The following MAMDC2 variants were observed in gnomAD, a reference collection of about 807,000 sequenced individuals.
MAMDC2 encodes MAM domain-containing protein 2.
In MAMDC2, 57 loss-of-function variants were observed where a neutral mutation model predicts 89.8. The observed-to-expected ratio is 0.63, with a 90% CI of 0.51 to 0.79. The LOEUF (loss-of-function observed/expected upper bound fraction) is 0.79. Ranked by LOEUF, MAMDC2 falls within the 30% of genes least tolerant of loss-of-function variation. MAMDC2 has a pLI of 0.00. For missense variants in MAMDC2, 800 were observed against 820.6 expected (o/e 0.97, Z 0.31); for synonymous variants, 313 against 293.4 (o/e 1.07, Z -0.68).
chr9:70,198,075 GTTGT>G (rs74311980), intron 11 of MAMDC2, among the ~76,000 whole-genome samples: 20,159 of 150,448 alleles, frequency 0.13, 1,629 homozygotes, highest in African/African-American at 0.23. Context: ...TTTTATTATT[GTTGT>G]TTATCTCTTA....
At chr9:70,170,690 A>G (rs1429164477) in intron 11 of MAMDC2, 59 bp downstream of exon 11, 1 of 1,479,278 alleles carries the variant, frequency 6.8e-7, no homozygotes, top group Admixed American at 2.4e-5. Context: ...GCATTCTAGG[A>G]ATCGTTTACT....
chr9:70,211,213 AGACTGT>A (rs2033347865), intron 11 of MAMDC2, among the ~76,000 whole-genome samples: 1 of 152,214 alleles, frequency 6.6e-6, no homozygotes, highest in African/African-American at 2.4e-5. Flanking sequence ...AATATCCTGA[AGACTGT>A]TTTCCAACTT....
At position 70,225,992 on chromosome 9, in the gene MAMDC2, C is replaced by A; in HGVS notation, c.2021C>A (p.Ser674Ter). The change falls in exon 14 of 14, where the codon TCA becomes TAA. Residue 674 changes from serine to a stop codon, truncating the protein, a stop_gained. Transcript: ENST00000377182. LOFTEE classifies it high-confidence loss of function. ...GAAATGGAAGATACAACTCAACAAT[C>A]ATCAGGATATTCTGAGGACTTAAAT... ...CGEMEDTTQQ[S>*]SGYSEDLNEI... The A allele has an allele frequency of 6.3e-7, 1 of 1,588,310 alleles. No homozygotes were observed. Among genetic ancestry groups the A allele is most frequent in the South Asian group, 1.2e-5 (1 of 86,716 alleles).
rs58804811 is a variant in MAMDC2 at position 70,221,380 on chromosome 9, T to TAGAGAGAGAG, written c.1911+2803_1911+2812dup. On this transcript the variant is annotated intron_variant, in intron 12 of 13. Coordinates refer to ENST00000377182, the MANE Select transcript of MAMDC2 (RefSeq NM_153267.5). ...AAATATATATATATATATATATATATAGAGAGAGAGAGAGAGAGAGAGAGA... is the reference window on the plus strand; with the variant it reads ...AAATATATATATATATATATATATATAGAGAGAGAGAGAGAGAGAGAGAGAGAGAGAGAGA... 5.3e-3 allele frequency among the ~76,000 whole-genome samples: 37 copies of TAGAGAGAGAG among 7,034 alleles called. 6 individuals carry two copies. The highest frequency in any genetic ancestry group is 0.02 in the East Asian group (2 of 102). 4.6% of individuals were successfully genotyped at this position (7,034 alleles called of 152,430 possible).
At chr9:70,222,317 T>C (rs756179961) in intron 12 of MAMDC2, among the ~76,000 whole-genome samples, 2 of 152,220 alleles carry the variant, frequency 1.3e-5, no homozygotes, top group Non-Finnish European at 2.9e-5. Context: ...AAGTTTTCTA[T>C]GTCTATTAGA....
intron 6 of MAMDC2, 92 bp downstream of exon 6, chr9:70,126,507 C>T (rs2030558400): frequency 7.6e-7 from 1 of 1,318,056 alleles, no homozygotes; most frequent in East Asian, 2.4e-5. Context: ...TGTGCAGCCT[C>T]ACACTCAGTC....
intron 11 of MAMDC2, among the ~76,000 whole-genome samples, chr9:70,205,672 C>T (rs183520872): frequency 6.6e-6 from 1 of 152,248 alleles, no homozygotes; most frequent in African/African-American, 2.4e-5. Context: ...CCATTGGAAC[C>T]CCCATCTTGA....
At chr9:70,213,247 C>T (rs1357986168) in intron 11 of MAMDC2, among the ~76,000 whole-genome samples, 5 of 152,100 alleles carry the variant, frequency 3.3e-5, no homozygotes, top group South Asian at 4.1e-4. Context: ...TGTTTCAGGG[C>T]CCTTAGTCTC....
At chr9:70,216,601 T>A (rs749809057) in intron 11 of MAMDC2, among the ~76,000 whole-genome samples, 15 of 152,138 alleles carry the variant, frequency 9.9e-5, no homozygotes, top group Non-Finnish European at 2.1e-4. Flanking sequence ...GACACATACA[T>A]CCATTCCAAA....
chr9:70,082,857 A>C (rs939869132), intron 2 of MAMDC2: 1 of 152,126 alleles, frequency 6.6e-6, no homozygotes, highest in African/African-American at 2.4e-5. Flanking sequence ...TTAAGGAGCA[A>C]CTTCCTCTAT....
At chr9:70,205,932 G>A (rs1212653524) in intron 11 of MAMDC2, among the ~76,000 whole-genome samples, 1 of 152,162 alleles carries the variant, frequency 6.6e-6, no homozygotes, top group Non-Finnish European at 1.5e-5. Flanking sequence ...GTGGCTCTGC[G>A]TGAAGTTCTG....
chr9:70,044,192 G>A lies in MAMDC2; in HGVS notation c.-6G>A. On this transcript the variant is annotated 5_prime_UTR_variant, in exon 1 of 14. Coordinates refer to ENST00000377182, the MANE Select transcript of MAMDC2 (RefSeq NM_153267.5). ...CCTTCCTAGTCATCCTCCCTGAAACGCGACCATGCTGTTAAGGGGCGTCCT... is the reference window on the plus strand; with the variant it reads ...CCTTCCTAGTCATCCTCCCTGAAACACGACCATGCTGTTAAGGGGCGTCCT... 2.5e-6 allele frequency: 4 copies of A among 1,613,682 alleles called. No individual in the cohort carries two copies. Among genetic ancestry groups the A allele is most frequent in the South Asian group, 2.2e-5 (2 of 91,084 alleles).
chr9:70,197,006 A>C (rs536628366), intron 11 of MAMDC2, among the ~76,000 whole-genome samples: 1 of 152,286 alleles, frequency 6.6e-6, no homozygotes, highest in African/African-American at 2.4e-5. Flanking sequence ...CCTGTTAATA[A>C]GAGACAATGC....
chr9:70,145,340 T>C (rs1485012077), intron 9 of MAMDC2, among the ~76,000 whole-genome samples: 1 of 152,216 alleles, frequency 6.6e-6, no homozygotes, highest in Non-Finnish European at 1.5e-5. Context: ...TTAAGCTCAT[T>C]GCCTAGACAA....
intron 6 of MAMDC2, 81 bp from the exon 7 acceptor site, chr9:70,131,438 A>G (rs772003937): frequency 5.4e-6 from 5 of 923,462 alleles, no homozygotes; most frequent in East Asian, 2.6e-5. Flanking sequence ...TTTGATTGAC[A>G]TGTCATTTTA....
intron 2 of MAMDC2, among the ~76,000 whole-genome samples, chr9:70,104,048 A>G (rs775466293): frequency 3.4e-4 from 51 of 152,196 alleles, no homozygotes; most frequent in Non-Finnish European, 6.6e-4. Flanking sequence ...CAAATTTTCT[A>G]TTCGATAAGA....
At chr9:70,170,368 C>A in intron 10 of MAMDC2, 111 bp from the exon 11 acceptor site, 1 of 1,264,482 alleles carries the variant, frequency 7.9e-7, no homozygotes, top group Non-Finnish European at 1.1e-6. Context: ...GGCTGCCTCT[C>A]CATCGCATGG....
chr9:70,088,552 T>G (rs1021385570), intron 2 of MAMDC2: 1 of 151,862 alleles, frequency 6.6e-6, no homozygotes, highest in African/African-American at 2.4e-5. Flanking sequence ...ATGAGTGTTT[T>G]CCAAAGTGTA....
chr9:70,166,196 G>A (rs146323932), intron 9 of MAMDC2, among the ~76,000 whole-genome samples: 2 of 150,278 alleles, frequency 1.3e-5, no homozygotes, highest in African/African-American at 4.9e-5. Flanking sequence ...AGCTGAGATC[G>A]CATCATTGCA....
Sources: gnomAD v4.1 joint callset for allele counts (sites outside exome capture counted in the v4.1 genomes callset) on GRCh38, gnomAD v4.1.1 for gene constraint, MANE v1.5 for transcripts, NCBI Gene and HGNC (gene_info 2026-07-23, HGNC 2026-07-21) for gene names.